Variants in PKHD1 observed in about 807,000 individuals in gnomAD.
PKHD1 encodes fibrocystin.
A neutral mutation model predicts 412.0 loss-of-function variants in PKHD1; 291 were observed. That is an observed-to-expected ratio of 0.71 (90% CI 0.64 to 0.78). PKHD1 has a LOEUF of 0.78. Ranked by LOEUF, PKHD1 falls within the 30% of genes least tolerant of loss-of-function variation. The probability of loss-of-function intolerance (pLI) is 0.00; values close to 1 mark genes in which losing one functional copy is unlikely to be tolerated. For missense variants in PKHD1, 4,825 were observed against 4,950.7 expected (o/e 0.97, Z 0.76); for synonymous variants, 1,777 against 1,821.5 (o/e 0.98, Z 0.62).
At chr6:51,855,253 G>C (rs73738722) in intron 49 of PKHD1, among the ~76,000 whole-genome samples, 5,105 of 152,288 alleles carry the variant, frequency 0.034, 311 homozygotes, top group African/African-American at 0.12. Flanking sequence ...AGTCAATTTT[G>C]ATAAGAGAAC....
At chr6:51,698,722 A>G (rs144413186) in intron 60 of PKHD1, among the ~76,000 whole-genome samples, 2 of 152,170 alleles carry the variant, frequency 1.3e-5, no homozygotes, top group Non-Finnish European at 2.9e-5. Flanking sequence ...AAGCAAGTCT[A>G]TTTCTAACAT....
intron 12 of PKHD1, 90 bp from the exon 13 acceptor site, chr6:52,065,140 T>TATAC (rs1809377067): frequency 2.0e-5 from 1 of 49,860 alleles, no homozygotes; most frequent in Non-Finnish European, 3.4e-5. Context: ...TAATTATATA[T>TATAC]ATATATATAT....
At position 52,065,983 on chromosome 6, in the gene PKHD1, G is replaced by A. The variant is rs769773725; in HGVS notation, c.873C>T (p.Thr291=). ...CCATTTCATCATAGTTACCTGCAAT[G>A]GTAACCTGGGCAGAATTGTCAAAAA... ...GDFFDNSAQV[T]IAGIPCDIRH... is the part of the protein sequence containing the mutation. The change falls in exon 12 of 67, where the codon ACC becomes ACT. Residue 291 remains threonine, a synonymous_variant. Coordinates refer to ENST00000371117, the MANE Select transcript of PKHD1 (RefSeq NM_138694.4). 5.3e-6 allele frequency: 8 copies of A among 1,510,274 alleles called. No individual in the cohort carries two copies. In the Admixed American group the frequency reaches 1.3e-4, roughly 25 times the overall value. The allele number at this position is 1,510,274 out of a possible 1,614,324, so 93.6% of individuals were successfully genotyped here.
intron 52 of PKHD1, among the ~76,000 whole-genome samples, chr6:51,818,144 AGCCATTAGACACAGAGCGG>A (rs1434000875): frequency 6.6e-6 from 1 of 152,194 alleles, no homozygotes; most frequent in Non-Finnish European, 1.5e-5. Flanking sequence ...AGCAAGGACA[AGCCATTAGACACAGAGCGG>A]GCCCCGGAGT....
At chr6:51,737,712 G>A (rs1468227625) in intron 60 of PKHD1, among the ~76,000 whole-genome samples, 1 of 140,366 alleles carries the variant, frequency 7.1e-6, no homozygotes, top group Non-Finnish European at 1.5e-5. Flanking sequence ...ATCACTTATT[G>A]TTTGTGTGTG....
At chr6:52,005,947 T>C (rs1350140422) in intron 35 of PKHD1, among the ~76,000 whole-genome samples, 4 of 148,966 alleles carry the variant, frequency 2.7e-5, no homozygotes, top group African/African-American at 1.0e-4. Flanking sequence ...TTTCTTAGAA[T>C]CTAGTAGGCA....
chr6:51,692,614 G>A (rs1778308030), intron 60 of PKHD1, among the ~76,000 whole-genome samples: 1 of 152,018 alleles, frequency 6.6e-6, no homozygotes, highest in East Asian at 1.9e-4. Context: ...TCACAAGTTA[G>A]TCTCGTCCAT....
At position 52,010,419 on chromosome 6, in the gene PKHD1, A is replaced by G. The variant is rs747098192; in HGVS notation, c.5641T>C (p.Ser1881Pro). 2 of 1,609,020 alleles carry G rather than the reference A, an allele frequency of 1.2e-6. No individual in the cohort carries two copies. Among genetic ancestry groups the G allele is most frequent in the African/African-American group, 2.7e-5 (2 of 74,870 alleles). The change falls in exon 35 of 67, where the codon TCC (serine) becomes CCC (proline). Residue 1881 changes from serine (S) to proline (P), a missense_variant. Coordinates refer to ENST00000371117, the MANE Select transcript of PKHD1 (RefSeq NM_138694.4). Reference protein sequence around the residue: ...ERDEVLIYNSSCNITMETEAE... With the variant: ...ERDEVLIYNSPCNITMETEAE... The stretch of plus-strand genomic sequence containing the variant: ...TCAGTTTCCATGGTAATGTTACAGG[A>G]GCTATTATAGATGAGAACTTCATCT...
At chr6:51,686,411 A>G (rs1168848179) in intron 60 of PKHD1, among the ~76,000 whole-genome samples, 1 of 151,940 alleles carries the variant, frequency 6.6e-6, no homozygotes, top group Non-Finnish European at 1.5e-5. Context: ...CACTCTCCCC[A>G]CTTGGGGACT....
At chr6:51,939,442 C>T (rs941321221) in intron 36 of PKHD1, among the ~76,000 whole-genome samples, 1 of 151,514 alleles carries the variant, frequency 6.6e-6, no homozygotes, top group Non-Finnish European at 1.5e-5. Flanking sequence ...TCTCCCTTAT[C>T]CTGTGTTCTC....
At chr6:51,722,749 C>G (rs1782084314) in intron 60 of PKHD1, among the ~76,000 whole-genome samples, 1 of 152,134 alleles carries the variant, frequency 6.6e-6, no homozygotes, top group African/African-American at 2.4e-5. Context: ...AAGCCACATG[C>G]TAATGTAATT....
rs61175912 is a variant in PKHD1, at chr6:51,872,012, G to GA, written c.7351-1374dup. ...ATAGAAGCCTAAAATATTATTTTTAGAAAAAAAAGGAAATAGGAGAGTAGA... is the reference window on the plus strand; with the variant it reads ...ATAGAAGCCTAAAATATTATTTTTAGAAAAAAAAAGGAAATAGGAGAGTAGA... On this transcript the variant is annotated intron_variant, in intron 46 of 66. Transcript: ENST00000371117. Among the ~76,000 whole-genome samples the GA allele has an allele frequency of 2.3e-5, 3 of 130,346 alleles. 1 individual carries two copies. In the South Asian group the frequency reaches 7.5e-4, roughly 33 times the overall value. 85.5% of individuals were successfully genotyped at this position (130,346 alleles called of 152,430 possible). A position where few individuals can be genotyped will look rare whatever the true frequency, so the allele number is the denominator to read the frequency against.
intron 36 of PKHD1, among the ~76,000 whole-genome samples, chr6:51,939,687 T>C (rs150852361): frequency 0.011 from 1,630 of 151,638 alleles, 66 homozygotes; most frequent in East Asian, 0.07. Flanking sequence ...CCCTAGTCTC[T>C]GTTCCCAATG....
chr6:51,957,523 A>G (rs185884614), intron 36 of PKHD1, among the ~76,000 whole-genome samples: 5 of 152,224 alleles, frequency 3.3e-5, no homozygotes, highest in African/African-American at 1.2e-4. Flanking sequence ...AAGATGGTCT[A>G]GGCCAAAAAT....
At chr6:51,975,191 G>A (rs1022842838) in intron 35 of PKHD1, among the ~76,000 whole-genome samples, 19 of 151,788 alleles carry the variant, frequency 1.3e-4, no homozygotes, top group Non-Finnish European at 2.2e-4. Context: ...CATAAAAGAC[G>A]TTTCTTTGTT....
intron 35 of PKHD1, among the ~76,000 whole-genome samples, chr6:51,997,212 C>T (rs1797818223): frequency 6.6e-6 from 1 of 152,130 alleles, no homozygotes; most frequent in Non-Finnish European, 1.5e-5. Flanking sequence ...GAGAAAGCAA[C>T]CTTAGGTTGA....
At position 52,053,215 on chromosome 6, in the gene PKHD1, A is replaced by G. The variant is rs1807156390; in HGVS notation, c.2001T>C (p.Cys667=). ...QFDCTDLWET[C]VRCFGDLQPP... is the part of the protein sequence containing the mutation. The stretch of plus-strand genomic sequence containing the variant: ...GCTGGAGATCCCCGAAGCAACGCAC[A>G]CAAGTCTCCCAGAGGTCAGTGCAAT... Residue 667 remains cysteine, a synonymous_variant, in exon 21 of 67, where the codon TGT becomes TGC. Transcript: ENST00000371117. The G allele has an allele frequency of 1.2e-6, 2 of 1,614,230 alleles. No homozygotes were observed. Among genetic ancestry groups the G allele is most frequent in the Non-Finnish European group, 8.5e-7 (1 of 1,180,034 alleles).
chr6:52,026,286 G>A (rs1802172776), intron 31 of PKHD1, 105 bp from the exon 32 acceptor site: 1 of 1,078,934 alleles, frequency 9.3e-7, no homozygotes, highest in Non-Finnish European at 1.4e-6. Flanking sequence ...GGTAGGGCAT[G>A]TGTTAGTGAA....
chr6:51,739,737 T>TA (rs960093491), intron 60 of PKHD1, among the ~76,000 whole-genome samples: 5 of 152,108 alleles, frequency 3.3e-5, no homozygotes, highest in South Asian at 2.1e-4. Flanking sequence ...GCGTGTAGCA[T>TA]AAAAAAGGTG....
Sources: allele counts gnomAD v4.1 joint callset (sites outside exome capture counted in the v4.1 genomes callset), GRCh38; gene constraint gnomAD v4.1.1; transcripts MANE v1.5; gene names NCBI Gene and HGNC (gene_info 2026-07-23, HGNC 2026-07-21).